IL1RAPL1: variants seen among roughly 807,000 people sequenced by gnomAD.
IL1RAPL1 encodes interleukin-1 receptor accessory protein-like 1.
Under a neutral mutation model 48.4 loss-of-function variants are expected in IL1RAPL1, and 3 were observed. The ratio of observed to expected loss-of-function variants is 0.06; its 90% CI spans 0.03 to 0.16. The LOEUF is 0.16. Ranked by LOEUF, IL1RAPL1 falls within the 10% of genes least tolerant of loss-of-function variation. The pLI is 1.00. For synonymous variants in IL1RAPL1, 185 were observed against 187.7 expected, an observed-to-expected ratio of 0.99 and a Z score of 0.12; for missense variants, 349 against 530.6, an observed-to-expected ratio of 0.66 and a Z score of 3.36.
At position 29,694,840 on chromosome X, in the gene IL1RAPL1, ACAGT is replaced by A. The variant is rs746021872; in HGVS notation, c.778+26340_778+26343del. Among the ~76,000 whole-genome samples the A allele has an allele frequency of 6.2e-4, 69 of 111,769 alleles. 1 individual carries two copies. The highest frequency in any genetic ancestry group is 1.1e-3 in the Non-Finnish European group (57 of 53,157). On this transcript the variant is annotated intron_variant, in intron 6 of 10. Coordinates refer to ENST00000378993, the MANE Select transcript of IL1RAPL1 (RefSeq NM_014271.4). Reference sequence around the variant, plus strand: ...TGACGTAATAATTTTGGGGGAACAAACAGTCAGACCATAACAGATGGATATGGAA... The same window carrying A: ...TGACGTAATAATTTTGGGGGAACAAACAGACCATAACAGATGGATATGGAA...
intron 7 of IL1RAPL1, among the ~76,000 whole-genome samples, chrX:29,918,123 C>CA (rs781348669): frequency 0.25 from 1,930 of 7,818 alleles, 714 homozygotes; most frequent in Non-Finnish European, 0.32. Flanking sequence ...ACTCTGTCTC[C>CA]AAAAAAAAAA....
intron 5 of IL1RAPL1, among the ~76,000 whole-genome samples, chrX:29,460,315 G>A (rs900108588): frequency 8.9e-6 from 1 of 111,843 alleles, no homozygotes; most frequent in Non-Finnish European, 1.9e-5. Context: ...TCCCCACCTG[G>A]AGTGGACTGC....
At chrX:29,283,270 T>C (rs1932231152) in intron 3 of IL1RAPL1, 53 bp downstream of exon 3, 1 of 1,137,158 alleles carries the variant, frequency 8.8e-7, no homozygotes, top group Admixed American at 2.2e-5. Flanking sequence ...GGCTGCTTTC[T>C]CGTACTTAAA....
intron 6 of IL1RAPL1, among the ~76,000 whole-genome samples, chrX:29,822,146 A>T (rs1433830336): frequency 3.6e-5 from 4 of 111,486 alleles, no homozygotes; most frequent in East Asian, 2.8e-4. Flanking sequence ...TTTTTTTTTT[A>T]AATTTCAATC....
intron 6 of IL1RAPL1, among the ~76,000 whole-genome samples, chrX:29,803,076 C>A (rs1340399502): frequency 8.2e-5 from 7 of 84,936 alleles, no homozygotes; most frequent in Admixed American, 1.4e-4. Context: ...TGCATGTATA[C>A]ATATATGTGT....
At chrX:28,788,230 T>C (rs766985391) in intron 1 of IL1RAPL1, among the ~76,000 whole-genome samples, 5 of 111,814 alleles carry the variant, frequency 4.5e-5, no homozygotes, top group South Asian at 7.4e-4. Context: ...ACAATATATA[T>C]GCATATCAAA....
chrX:28,854,293 G>A (rs1921746567), intron 2 of IL1RAPL1, among the ~76,000 whole-genome samples: 1 of 111,562 alleles, frequency 9.0e-6, no homozygotes, highest in Non-Finnish European at 1.9e-5. Context: ...TAGGGATGGG[G>A]AATGAGGAAT....
chrX:29,804,448 G>A (rs1450093154), intron 6 of IL1RAPL1, among the ~76,000 whole-genome samples: 1 of 111,672 alleles, frequency 9.0e-6, no homozygotes. Flanking sequence ...TCAAGGGTGG[G>A]GCCAGGTGGA....
chrX:29,471,375 C>A (rs762244127), intron 5 of IL1RAPL1, among the ~76,000 whole-genome samples: 1 of 111,444 alleles, frequency 9.0e-6, no homozygotes, highest in African/African-American at 3.3e-5. Flanking sequence ...GGTTGATAAG[C>A]TGGCAATTGA....
intron 5 of IL1RAPL1, among the ~76,000 whole-genome samples, chrX:29,566,017 C>T (rs1181100020): frequency 9.2e-6 from 1 of 108,905 alleles, no homozygotes; most frequent in Admixed American, 9.7e-5. Flanking sequence ...GTCGCGATTT[C>T]GGCTCACTGC....
intron 6 of IL1RAPL1, among the ~76,000 whole-genome samples, chrX:29,764,612 G>T (rs904649902): frequency 8.9e-6 from 1 of 112,131 alleles, no homozygotes; most frequent in East Asian, 2.8e-4. Context: ...CATAAAAAAG[G>T]AGGTTGGAAG....
intron 7 of IL1RAPL1, among the ~76,000 whole-genome samples, chrX:29,918,000 A>G (rs1259469004): frequency 4.0e-5 from 4 of 98,873 alleles, no homozygotes; most frequent in African/African-American, 7.4e-5. Flanking sequence ...GTGCGTGCCT[A>G]TTGTCCGGGC....
At chrX:29,729,065 C>T (rs1187840934) in intron 6 of IL1RAPL1, among the ~76,000 whole-genome samples, 1 of 111,740 alleles carries the variant, frequency 8.9e-6, no homozygotes, top group Non-Finnish European at 1.9e-5. Context: ...GGCATGGTGT[C>T]ATGTCTACGT....
chrX:29,741,663 G>A (rs1255430411), intron 6 of IL1RAPL1, among the ~76,000 whole-genome samples: 1 of 109,801 alleles, frequency 9.1e-6, no homozygotes, highest in Non-Finnish European at 1.9e-5. Context: ...GCTCACACCT[G>A]TAATCCCAGC....
chrX:28,763,067 G>A (rs1936195569), intron 1 of IL1RAPL1, among the ~76,000 whole-genome samples: 1 of 111,159 alleles, frequency 9.0e-6, no homozygotes, highest in Admixed American at 9.6e-5. Flanking sequence ...AGATGAACAG[G>A]TCTGCCCTTC....
chrX:29,827,096 C>G (rs1308283510), intron 6 of IL1RAPL1, among the ~76,000 whole-genome samples: 1 of 112,107 alleles, frequency 8.9e-6, no homozygotes, highest in African/African-American at 3.2e-5. Flanking sequence ...ATTCGCATGT[C>G]CTTAATGACT....
intron 2 of IL1RAPL1, among the ~76,000 whole-genome samples, chrX:29,165,828 T>C (rs1215126091): frequency 8.9e-6 from 1 of 111,910 alleles, no homozygotes; most frequent in Non-Finnish European, 1.9e-5. Context: ...CTAGATATGA[T>C]AAAAGCAAAA....
chrX:29,722,399 A>G (rs1461558513), intron 6 of IL1RAPL1, among the ~76,000 whole-genome samples: 2 of 112,237 alleles, frequency 1.8e-5, no homozygotes, highest in African/African-American at 6.5e-5. Flanking sequence ...ACAAATAGCC[A>G]CCTACATTTT....
intron 2 of IL1RAPL1, among the ~76,000 whole-genome samples, chrX:28,834,980 G>C (rs910269996): frequency 9.0e-6 from 1 of 111,503 alleles, no homozygotes; most frequent in Non-Finnish European, 1.9e-5. Flanking sequence ...ATTAGCAAGG[G>C]TGCAGTGGAA....
Sources: gnomAD v4.1 joint callset for allele counts (sites outside exome capture counted in the v4.1 genomes callset) on GRCh38, gnomAD v4.1.1 for gene constraint, MANE v1.5 for transcripts, NCBI Gene and HGNC (gene_info 2026-07-23, HGNC 2026-07-21) for gene names.